The following OR2L13 variants were observed in gnomAD, a reference collection of about 807,000 sequenced individuals.
OR2L13 encodes olfactory receptor family 2 subfamily L member 13, also known as olfactory receptor 2L13.
In OR2L13, 14 loss-of-function variants were observed where a neutral mutation model predicts 15.3. That is an observed-to-expected ratio of 0.91 (90% CI 0.60 to 1.43). The LOEUF (loss-of-function observed/expected upper bound fraction) is 1.43, where lower values mean the gene tolerates loss of function less well. Among genes scored for constraint, OR2L13 ranks in the 40% most tolerant of loss-of-function variants. The pLI is 0.00. For synonymous variants in OR2L13, 152 were observed against 142.9 expected (o/e 1.06, Z -0.45); for missense variants, 367 against 387.9 (o/e 0.95, Z 0.45).
chr1:248,036,846 A>T, the OR2L13 span, among the ~76,000 whole-genome samples: 1 of 152,186 alleles, frequency 6.6e-6, no homozygotes, highest in Non-Finnish European at 1.5e-5. Context: ...CCTAATGCTT[A>T]GATTACATTA....
chr1:247,997,346 A>ACAT, the OR2L13 span, among the ~76,000 whole-genome samples: 77 of 152,186 alleles, frequency 5.1e-4, 2 homozygotes, highest in Non-Finnish European at 7.5e-4. Context: ...AAGCAGAGTA[A>ACAT]CATCATTTTA....
the OR2L13 span, among the ~76,000 whole-genome samples, chr1:248,067,189 A>C: frequency 6.6e-6 from 1 of 152,210 alleles, no homozygotes; most frequent in Admixed American, 6.5e-5. Flanking sequence ...TTCAATGTGC[A>C]GTTTTACCAG....
chr1:247,939,361 T>G, the OR2L13 span: 1 of 152,202 alleles, frequency 6.6e-6, no homozygotes, highest in East Asian at 1.9e-4. Context: ...CTAGATGAAA[T>G]TATCACAGGC....
chr1:247,994,759 A>G, the OR2L13 span, among the ~76,000 whole-genome samples: 3 of 152,188 alleles, frequency 2.0e-5, no homozygotes, highest in Non-Finnish European at 4.4e-5. Flanking sequence ...GTTCTTAGTA[A>G]AAAAAATCAT....
chr1:247,989,880 A>G, the OR2L13 span, among the ~76,000 whole-genome samples: 1 of 152,152 alleles, frequency 6.6e-6, no homozygotes, highest in Non-Finnish European at 1.5e-5. Flanking sequence ...CCGTGCCTAC[A>G]TTGTTCCCCT....
chr1:247,972,604 GA>G, the OR2L13 span, among the ~76,000 whole-genome samples: 1 of 149,820 alleles, frequency 6.7e-6, no homozygotes, highest in South Asian at 2.2e-4. Flanking sequence ...AACAAGTTCT[GA>G]AATTGAGGCA....
At chr1:247,974,608 G>A in the OR2L13 span, 1 of 158,640 alleles carries the variant, frequency 6.3e-6, no homozygotes, top group African/African-American at 2.4e-5. Context: ...AGTGGAAATA[G>A]TGTATATGAG....
At chr1:248,063,957 A>G in the OR2L13 span, among the ~76,000 whole-genome samples, 19 of 152,368 alleles carry the variant, frequency 1.2e-4, no homozygotes, top group African/African-American at 4.1e-4. Flanking sequence ...TTACTCAGAG[A>G]TGAAATTATT....
chr1:247,990,550 G>T, the OR2L13 span: 2 of 1,564,938 alleles, frequency 1.3e-6, no homozygotes, highest in South Asian at 2.2e-5. Flanking sequence ...CTCCTTCACT[G>T]GGTGTGGGAT....
At chr1:247,959,937 C>G in the OR2L13 span, among the ~76,000 whole-genome samples, 1 of 45,996 alleles carries the variant, frequency 2.2e-5, no homozygotes, top group African/African-American at 3.0e-5. Context: ...CTTCTTCTCT[C>G]AACTCGTCAG....
chr1:248,067,093 T>A, the OR2L13 span, among the ~76,000 whole-genome samples: 6 of 152,212 alleles, frequency 3.9e-5, no homozygotes, highest in Non-Finnish European at 8.8e-5. Flanking sequence ...GCTACTAATT[T>A]TATCACAAGT....
chr1:248,085,436 T>TAAAATAAAATAATAA, the OR2L13 span, among the ~76,000 whole-genome samples: 150 of 84,512 alleles, frequency 1.8e-3, 10 homozygotes, highest in African/African-American at 5.6e-3. Flanking sequence ...TAAAATAAAA[T>TAAAATAAAATAATAA]AATAAAATAA....
the OR2L13 span, among the ~76,000 whole-genome samples, chr1:248,020,857 T>C: frequency 1.3e-5 from 2 of 151,428 alleles, no homozygotes; most frequent in Non-Finnish European, 3.0e-5. Flanking sequence ...ACAACATGCT[T>C]TGCATAATAA....
At chr1:247,992,467 G>T in the OR2L13 span, among the ~76,000 whole-genome samples, 878 of 152,260 alleles carry the variant, frequency 5.8e-3, 5 homozygotes, top group Non-Finnish European at 8.6e-3. Context: ...CTTAGAGTTA[G>T]AGTGTGGATC....
the OR2L13 span, among the ~76,000 whole-genome samples, chr1:247,947,058 T>C: frequency 6.6e-6 from 1 of 152,192 alleles, no homozygotes; most frequent in Non-Finnish European, 1.5e-5. Flanking sequence ...ATTGCTTTTG[T>C]TTACCTTCAA....
At chr1:247,975,678 G>GA in the OR2L13 span, 1 of 961,530 alleles carries the variant, frequency 1.0e-6, no homozygotes, top group South Asian at 1.4e-5. Context: ...TTCTGCCTTA[G>GA]AGTCCAAGCA....
chr1:248,039,004 T>C, the OR2L13 span: 1 of 1,614,130 alleles, frequency 6.2e-7, no homozygotes, highest in Admixed American at 1.7e-5. Flanking sequence ...CACCTCACTG[T>C]AGTGTCCTTC....
chr1:248,061,119 G>A, the OR2L13 span: 53 of 1,613,838 alleles, frequency 3.3e-5, 1 homozygote, highest in South Asian at 2.5e-4. Context: ...TGATAACAGG[G>A]TCTTGGATCA....
chr1:247,985,364 G>GT, the OR2L13 span, among the ~76,000 whole-genome samples: 2 of 151,896 alleles, frequency 1.3e-5, no homozygotes, highest in African/African-American at 4.8e-5. Context: ...GCGGTGTTTG[G>GT]TTTTTTTGTC....
Sources: gnomAD v4.1 joint callset for allele counts (sites outside exome capture counted in the v4.1 genomes callset) on GRCh38, gnomAD v4.1.1 for gene constraint, MANE v1.5 for transcripts, NCBI Gene and HGNC (gene_info 2026-07-23, HGNC 2026-07-21) for gene names.